Variants in OPCML observed in about 807,000 individuals in gnomAD.
OPCML encodes the protein opioid binding protein/cell adhesion molecule like.
OPCML carries 13 observed loss-of-function variants against 37.8 expected under a neutral mutation model. The observed-to-expected ratio is 0.34, with a 90% CI of 0.22 to 0.55. OPCML has a LOEUF of 0.55. Among genes scored for constraint, OPCML ranks in the 20% least tolerant of loss-of-function variants. The pLI, the probability that OPCML is intolerant of heterozygous loss-of-function variation, is 0.91. For missense variants in OPCML, 341 were observed against 435.6 expected (o/e 0.78, Z 1.93); for synonymous variants, 176 against 168.8 (o/e 1.04, Z -0.33).
intron 1 of OPCML, among the ~76,000 whole-genome samples, chr11:133,452,647 A>T (rs943021877): frequency 6.6e-6 from 1 of 151,572 alleles, no homozygotes; most frequent in African/African-American, 2.4e-5. Flanking sequence ...CCCTTATCTC[A>T]TATTTTATTT....
chr11:133,216,996 C>G (rs1285597018), intron 1 of OPCML, among the ~76,000 whole-genome samples: 1 of 152,170 alleles, frequency 6.6e-6, no homozygotes, highest in African/African-American at 2.4e-5. Context: ...CACTACAGAG[C>G]TAAGCAGGAC....
intron 4 of OPCML, among the ~76,000 whole-genome samples, chr11:132,479,072 C>A (rs2096168037): frequency 6.6e-6 from 1 of 152,132 alleles, no homozygotes; most frequent in Non-Finnish European, 1.5e-5. Context: ...CTACAGCTCC[C>A]AGCCTGAGTG....
At chr11:132,743,935 A>G (rs913267624) in intron 2 of OPCML, among the ~76,000 whole-genome samples, 1 of 152,218 alleles carries the variant, frequency 6.6e-6, no homozygotes, top group African/African-American at 2.4e-5. Flanking sequence ...TTGTTCTCCC[A>G]GGCAGAAAGT....
intron 4 of OPCML, among the ~76,000 whole-genome samples, chr11:132,438,182 G>T (rs982434007): frequency 1.3e-5 from 2 of 152,130 alleles, no homozygotes; most frequent in South Asian, 2.1e-4. Context: ...GCAACAATCT[G>T]GCCTCTCCGC....
chr11:132,486,040 C>G (rs1274715214), intron 4 of OPCML, among the ~76,000 whole-genome samples: 1 of 152,200 alleles, frequency 6.6e-6, no homozygotes, highest in Non-Finnish European at 1.5e-5. Context: ...GTTGCCCTGC[C>G]TCTTTGTCAA....
At chr11:133,439,218 T>C in intron 1 of OPCML, 1 of 915,072 alleles carries the variant, frequency 1.1e-6, no homozygotes, top group Non-Finnish European at 1.3e-6. Context: ...CTGCAGGTCC[T>C]ATGCTAGCCC....
At chr11:133,170,663 A>C (rs574835406) in intron 1 of OPCML, among the ~76,000 whole-genome samples, 35 of 152,320 alleles carry the variant, frequency 2.3e-4, no homozygotes, top group Admixed American at 2.0e-3. Context: ...AGACATATGT[A>C]ATGTAAAGAA....
At position 133,532,450 on chromosome 11, in the gene OPCML, G is replaced by C; in HGVS notation, c.-126C>G. ...CAATGTTTGCAAAGGGAGGGAGAGA[G>C]CAGAAGAGAGAGAGAGCGCGCGAGA... On this transcript the variant is annotated 5_prime_UTR_variant, in exon 1 of 8. Transcript: ENST00000524381. 8.4e-7 allele frequency: 1 copy of C among 1,185,388 alleles called. No individual in the cohort carries two copies. The highest frequency in any genetic ancestry group is 1.2e-6 in the Non-Finnish European group (1 of 823,666). The allele number at this position is 1,185,388 out of a possible 1,614,324, so 73.4% of individuals were successfully genotyped here. A position where few individuals can be genotyped will look rare whatever the true frequency, so the allele number is the denominator to read the frequency against.
At chr11:132,456,560 A>G (rs2096083394) in intron 4 of OPCML, among the ~76,000 whole-genome samples, 1 of 152,168 alleles carries the variant, frequency 6.6e-6, no homozygotes, top group Non-Finnish European at 1.5e-5. Flanking sequence ...TGCCTTCCAC[A>G]TTAGCCCATA....
intron 2 of OPCML, among the ~76,000 whole-genome samples, chr11:132,681,842 C>G (rs146793802): frequency 0.02 from 3,109 of 152,114 alleles, 69 homozygotes; most frequent in African/African-American, 0.045. Flanking sequence ...GTATTCCCAG[C>G]TACTCAGGAG....
At chr11:133,277,124 G>A (rs1180683773) in intron 1 of OPCML, among the ~76,000 whole-genome samples, 1 of 152,052 alleles carries the variant, frequency 6.6e-6, no homozygotes, top group African/African-American at 2.4e-5. Context: ...CTCAGGAGAC[G>A]AAGACTTACT....
chr11:132,855,967 A>G (rs932144777), intron 2 of OPCML, among the ~76,000 whole-genome samples: 1 of 152,196 alleles, frequency 6.6e-6, no homozygotes. Context: ...GTCTAATGGA[A>G]GATAATGTTA....
intron 1 of OPCML, among the ~76,000 whole-genome samples, chr11:133,032,834 G>A (rs886171102): frequency 1.3e-5 from 2 of 152,252 alleles, no homozygotes; most frequent in African/African-American, 4.8e-5. Flanking sequence ...TCTACTTTCA[G>A]ACAGCTGGCA....
chr11:132,599,810 T>C (rs1591606796), intron 3 of OPCML, among the ~76,000 whole-genome samples: 2 of 152,222 alleles, frequency 1.3e-5, no homozygotes, highest in Admixed American at 1.3e-4. Context: ...TTCATTCTTT[T>C]TATCTGCAGT....
chr11:133,335,476 C>T (rs748712749), intron 1 of OPCML, among the ~76,000 whole-genome samples: 4 of 152,072 alleles, frequency 2.6e-5, no homozygotes, highest in African/African-American at 7.2e-5. Context: ...ATGAAGTCAG[C>T]GCCTCTCCTG....
At chr11:132,526,794 A>C (rs1474233604) in intron 4 of OPCML, among the ~76,000 whole-genome samples, 1 of 152,186 alleles carries the variant, frequency 6.6e-6, no homozygotes, top group Admixed American at 6.5e-5. Flanking sequence ...CAGTTTTATT[A>C]GTTTTGACTA....
intron 1 of OPCML, among the ~76,000 whole-genome samples, chr11:133,082,004 C>G (rs1221300734): frequency 6.6e-6 from 1 of 152,100 alleles, no homozygotes; most frequent in Non-Finnish European, 1.5e-5. Context: ...TCCCTGCTCC[C>G]GAGTGTGCCC....
intron 4 of OPCML, among the ~76,000 whole-genome samples, chr11:132,477,848 T>C (rs545178454): frequency 2.2e-4 from 33 of 152,314 alleles, no homozygotes; most frequent in Non-Finnish European, 4.4e-4. Context: ...ATAAAATCTC[T>C]TGGGGTGCAT....
rs1947130270 is a variant in OPCML at position 133,472,146 on chromosome 11, A to C, written c.61+60118T>G. Among the ~76,000 whole-genome samples, 3 of 152,284 alleles carry C rather than the reference A, an allele frequency of 2.0e-5. No homozygotes were observed. In the South Asian group the frequency reaches 6.2e-4, roughly 32 times the overall value. The stretch of plus-strand genomic sequence containing the variant: ...TTTAACACACTGTCTTTCAGAGATG[A>C]AGCTCTTTTAGTTGCTTTTCTTTTC... On this transcript the variant is annotated intron_variant, in intron 1 of 7. Coordinates refer to ENST00000524381, the MANE Select transcript of OPCML (RefSeq NM_001012393.5).
Sources: allele counts gnomAD v4.1 joint callset (sites outside exome capture counted in the v4.1 genomes callset), GRCh38; gene constraint gnomAD v4.1.1; transcripts MANE v1.5; gene names NCBI Gene and HGNC (gene_info 2026-07-23, HGNC 2026-07-21).